The following HSPG2 variants were observed in gnomAD, a reference collection of about 807,000 sequenced individuals.
The protein encoded by HSPG2 is basement membrane-specific heparan sulfate proteoglycan core protein.
A neutral mutation model predicts 526.6 loss-of-function variants in HSPG2; 278 were observed. That is an observed-to-expected ratio of 0.53 (90% CI 0.48 to 0.58). HSPG2 has a LOEUF of 0.58. Among genes scored for constraint, HSPG2 ranks in the 20% least tolerant of loss-of-function variants. HSPG2 has a pLI of 0.00. For synonymous variants in HSPG2, 2,465 were observed against 2,555.4 expected (o/e 0.96, Z 1.07); for missense variants, 5,354 against 6,099.5 (o/e 0.88, Z 4.07).
Position 21,913,400 on chromosome 1 carries a change from G to A in HSPG2, c.64-17090C>T, listed in dbSNP as rs1020410209. 4.6e-5 allele frequency among the ~76,000 whole-genome samples: 7 copies of A among 152,172 alleles called. No individual in the cohort carries two copies. The East Asian group carries it at 7.7e-4, about 17-fold the overall frequency. ...GCCGTGTCCTTGGCAAAGAGAATGC[G>A]ACATCCCAGGGACTCGGGTTACCGG... On this transcript the variant is annotated intron_variant, in intron 1 of 96. Transcript: ENST00000374695.
At chr1:21,928,835 C>T (rs1043980452) in intron 1 of HSPG2, among the ~76,000 whole-genome samples, 5 of 152,048 alleles carry the variant, frequency 3.3e-5, no homozygotes, top group Admixed American at 6.6e-5. Flanking sequence ...CCACAACCTC[C>T]GCCTCCCGGG....
chr1:21,910,544 C>T (rs540610034), intron 1 of HSPG2, among the ~76,000 whole-genome samples: 1 of 152,290 alleles, frequency 6.6e-6, no homozygotes, highest in African/African-American at 2.4e-5. Context: ...CCAGAGGCTT[C>T]CATGGTTAGG....
At chr1:21,853,760 ATAAAAT>A (rs768554599) in intron 50 of HSPG2, 5 of 125,546 alleles carry the variant, frequency 4.0e-5, no homozygotes, top group Non-Finnish European at 8.7e-5. Flanking sequence ...AAAAAATAAA[ATAAAAT>A]AAAATAAAAT....
intron 62 of HSPG2, among the ~76,000 whole-genome samples, chr1:21,846,983 G>C (rs1638486178): frequency 1.3e-5 from 2 of 151,840 alleles, no homozygotes; most frequent in African/African-American, 2.4e-5. Flanking sequence ...CTGGGTGACA[G>C]AGCGAGACTC....
chr1:21,872,782 G>A lies in HSPG2; in HGVS notation c.3889-22C>T, dbSNP rs1343135963. 1 of 1,604,726 alleles carries A rather than the reference G, an allele frequency of 6.2e-7. No homozygotes were observed. The highest frequency in any genetic ancestry group is 8.5e-7 in the Non-Finnish European group (1 of 1,176,664). On this transcript the variant is annotated intron_variant, in intron 31 of 96. Coordinates refer to ENST00000374695, the MANE Select transcript of HSPG2 (RefSeq NM_005529.7). This position sits in a 1 kb window ranked among gnomAD's most constrained non-coding sequence, Gnocchi z 5.5. Reference sequence around the variant, plus strand: ...GGGCCTGGGTAGACGGATGGAAGGAGGCAGGCAGGGGACTCAGTGGGTCTC... The same window carrying A: ...GGGCCTGGGTAGACGGATGGAAGGAAGCAGGCAGGGGACTCAGTGGGTCTC...
chr1:21,831,274 G>A lies in HSPG2; in HGVS notation c.11503C>T (p.Leu3835Phe). Residue 3835 changes from leucine to phenylalanine, a missense_variant, in exon 84 of 97, where the codon CTC (leucine) becomes TTC (phenylalanine). Leu to Phe is a conservative substitution (Grantham distance 22, BLOSUM62 0). Coordinates refer to ENST00000374695, the MANE Select transcript of HSPG2 (RefSeq NM_005529.7). ...GAGATGCCGTGCGCCGTGAGGTTGA[G>A]GTCATGGAAGACGATCTCCTCGCCC... The part of the protein sequence containing the change: ...IQGEEIVFHD[L>F]NLTAHGISHC... 6.2e-7 allele frequency: 1 copy of A among 1,614,056 alleles called. No homozygotes were observed. Among genetic ancestry groups the A allele is most frequent in the Non-Finnish European group, 8.5e-7 (1 of 1,179,992 alleles).
rs779808238 is a variant in HSPG2 at position 21,851,805 on chromosome 1, G to T, written c.6992C>A (p.Ala2331Asp). The stretch of plus-strand genomic sequence containing the variant: ...GCCCCACTCACGGTAGGCTAAGTTG[G>T]CCCCCTGGGTCCCAGTTACTGTGAC... ...ITVTVTGTQG[A>D]NLAYPAGSTQ... The change falls in exon 54 of 97, where the codon GCC (alanine) becomes GAC (aspartate). Residue 2331 changes from alanine (A) to aspartate (D), a missense_variant. Physicochemically the swap from Ala to Asp is moderately radical, Grantham distance 126 (BLOSUM62 -2). Transcript: ENST00000374695. 11 of 1,613,668 alleles carry T rather than the reference G, an allele frequency of 6.8e-6. No individual in the cohort carries two copies. Among genetic ancestry groups the T allele is most frequent in the South Asian group, 4.4e-5 (4 of 91,090 alleles).
chr1:21,896,184 T>C lies in HSPG2; in HGVS notation c.190A>G (p.Ile64Val). 6.2e-7 allele frequency: 1 copy of C among 1,613,884 alleles called. No individual in the cohort carries two copies. The highest frequency in any genetic ancestry group is 8.5e-7 in the Non-Finnish European group (1 of 1,179,968). The change falls in exon 2 of 97, where the codon ATC becomes GTC. Residue 64 changes from isoleucine to valine, a missense_variant. By Grantham distance (29) the Ile-to-Val change is conservative (BLOSUM62 3). Transcript: ENST00000374695. ...TGGATCCTTGGCTCACCTCCTGAGATGCTGTCAGCCAGCATGTCCTCATCA... is the reference window on the plus strand; with the variant it reads ...TGGATCCTTGGCTCACCTCCTGAGACGCTGTCAGCCAGCATGTCCTCATCA... Reference protein sequence around the residue: ...SDDEDMLADSISGDDLGSGDL... With the variant: ...SDDEDMLADSVSGDDLGSGDL...
At chr1:21,925,050 C>T (rs1644149058) in intron 1 of HSPG2, among the ~76,000 whole-genome samples, 1 of 152,230 alleles carries the variant, frequency 6.6e-6, no homozygotes. Flanking sequence ...AGGGACCATG[C>T]CTCCAATTTC....
In HSPG2 at chr1:21,823,187, A is replaced by G; in HGVS notation, c.*129T>C. ...GGCATGCCCACCTCCAGTCCAGCCC[A>G]GGGCGGTAGCAGCAAAGCGTGGCAT... On this transcript the variant is annotated 3_prime_UTR_variant, in exon 97 of 97. Coordinates refer to ENST00000374695, the MANE Select transcript of HSPG2 (RefSeq NM_005529.7). The G allele has an allele frequency of 1.1e-6, 1 of 928,810 alleles. No homozygotes were observed. The highest frequency in any genetic ancestry group is 2.3e-5 in the South Asian group (1 of 44,254). 57.5% of individuals were successfully genotyped at this position (928,810 alleles called of 1,614,324 possible). A position where few individuals can be genotyped will look rare whatever the true frequency, so the allele number is the denominator to read the frequency against.
chr1:21,852,239 G>A lies in HSPG2; in HGVS notation c.6725-6C>T, dbSNP rs755403514. The A allele has an allele frequency of 2.5e-6, 4 of 1,614,010 alleles. No homozygotes were observed. The highest frequency in any genetic ancestry group is 1.3e-5 in the African/African-American group (1 of 75,066). ...CCTGACAGGTGGGATGGGTCCTGCA[G>A]CAGTGGGGATGGGAGTGAGAGTTGT... On this transcript the variant is annotated splice_polypyrimidine_tract_variant and splice_region_variant and intron_variant, in intron 52 of 96. Transcript: ENST00000374695.
In HSPG2 at chr1:21,898,013, G is replaced by T. The variant is rs535385033; in HGVS notation, c.64-1703C>A. On this transcript the variant is annotated intron_variant, in intron 1 of 96. Coordinates refer to ENST00000374695, the MANE Select transcript of HSPG2 (RefSeq NM_005529.7). This position sits in a 1 kb window ranked among gnomAD's most constrained non-coding sequence, Gnocchi z 4.0. ...GGAATGGAAGCACCTTGAAGGCAAG[G>T]GCTGTGATGAATTCATCTCCACCTT... Among the ~76,000 whole-genome samples the T allele has an allele frequency of 6.6e-6, 1 of 152,264 alleles. No individual in the cohort carries two copies. The highest frequency in any genetic ancestry group is 1.9e-4 in the East Asian group (1 of 5,180).
At chr1:21,870,715 ATTCAT>A (rs1214474832) in intron 33 of HSPG2, 1 of 520,544 alleles carries the variant, frequency 1.9e-6, no homozygotes, top group Admixed American at 6.4e-5. Context: ...CACCGCCTGG[ATTCAT>A]GCAGACCCCC....
At position 21,830,069 on chromosome 1, in the gene HSPG2, G is replaced by A; in HGVS notation, c.11694C>T (p.Thr3898=). 1 of 1,601,056 alleles carries A rather than the reference G, an allele frequency of 6.2e-7. No homozygotes were observed. ...CHPEACGPDA[T]CVNRPDGRGY... is the part of the protein sequence containing the mutation. ...CTCGACCGTCAGGCCGGTTCACACA[G>A]GTGGCGTCGGGCCCACAGGCCTCTG... Residue 3898 remains threonine (T), a synonymous_variant, in exon 86 of 97, where the codon ACC becomes ACT. Coordinates refer to ENST00000374695, the MANE Select transcript of HSPG2 (RefSeq NM_005529.7).
chr1:21,856,108 G>C (rs1248341017), intron 44 of HSPG2, among the ~76,000 whole-genome samples, 196 bp from the exon 45 acceptor site: 1 of 152,106 alleles, frequency 6.6e-6, no homozygotes, highest in Admixed American at 6.5e-5. Context: ...ATGACTCCCT[G>C]TTGCTTTTAG....
Position 21,865,605 on chromosome 1 carries a change from C to A in HSPG2, c.4314+112G>T, listed in dbSNP as rs1640163283. 9.9e-7 allele frequency: 1 copy of A among 1,005,972 alleles called. No individual in the cohort carries two copies. 62.3% of individuals were successfully genotyped at this position (1,005,972 alleles called of 1,614,324 possible). A position where few individuals can be genotyped will look rare whatever the true frequency, so the allele number is the denominator to read the frequency against. ...GGGGGCATGGGCCTAACTCCCCCAG[C>A]CTGTGCCAGAAAACTGAGTGCTGGA... On this transcript the variant is annotated intron_variant, in intron 34 of 96. Coordinates refer to ENST00000374695, the MANE Select transcript of HSPG2 (RefSeq NM_005529.7). The surrounding 1 kb of genome is among the most constrained non-coding windows in gnomAD (Gnocchi z 5.4).
rs1275274139 is a variant in HSPG2 at position 21,854,828 on chromosome 1, C to T, written c.6133+20G>A. On this transcript the variant is annotated intron_variant, in intron 48 of 96. Coordinates refer to ENST00000374695, the MANE Select transcript of HSPG2 (RefSeq NM_005529.7). ...CCCTGGCTTGCCCTCCCCACCCCTC[C>T]ATTCCCAGAGAGTCCGTACCTGAAA... The T allele has an allele frequency of 1.9e-6, 3 of 1,613,444 alleles. No homozygotes were observed. Among genetic ancestry groups the T allele is most frequent in the East Asian group, 2.2e-5 (1 of 44,836 alleles).
Position 21,831,575 on chromosome 1 carries a change from G to C in HSPG2, c.11353-13C>G, listed in dbSNP as rs765268891. On this transcript the variant is annotated splice_polypyrimidine_tract_variant and intron_variant, in intron 82 of 96. Coordinates refer to ENST00000374695, the MANE Select transcript of HSPG2 (RefSeq NM_005529.7). ...CCTGGAACTTGCCCTGGGGAGGTGG[G>C]GAAGTCAGGAATGGCAACAGAGGCT... 9 of 1,614,040 alleles carry C rather than the reference G, an allele frequency of 5.6e-6. No individual in the cohort carries two copies. Among genetic ancestry groups the C allele is most frequent in the Non-Finnish European group, 7.6e-6 (9 of 1,179,916 alleles).
intron 90 of HSPG2, 53 bp from the exon 91 acceptor site, chr1:21,827,972 T>C (rs1179952937): frequency 1.9e-6 from 3 of 1,611,470 alleles, no homozygotes; most frequent in African/African-American, 1.3e-5. Context: ...GTGGGTACTA[T>C]GTCGAGCTCC....
Sources: gnomAD v4.1 joint callset for allele counts (sites outside exome capture counted in the v4.1 genomes callset) on GRCh38, gnomAD v4.1.1 for gene constraint, Gnocchi (gnomAD v3.1) non-coding constraint, MANE v1.5 for transcripts, NCBI Gene and HGNC (gene_info 2026-07-23, HGNC 2026-07-21) for gene names.